Variants in SLC5A4 observed in about 807,000 individuals in gnomAD.
SLC5A4 encodes the protein solute carrier family 5 member 4.
In SLC5A4, 55 loss-of-function variants were observed where a neutral mutation model predicts 70.3. The ratio of observed to expected loss-of-function variants is 0.78; its 90% confidence interval spans 0.63 to 0.98. The LOEUF is 0.98. Ranked by LOEUF, SLC5A4 falls within the 50% of genes least tolerant of loss-of-function variation. The pLI is 0.00. For synonymous variants in SLC5A4, 268 were observed against 305.7 expected, an observed-to-expected ratio of 0.88 and a Z score of 1.29; for missense variants, 735 against 839.2, an observed-to-expected ratio of 0.88 and a Z score of 1.53.
chr22:32,354,862 CTA>C, the SLC5A4 span: 1 of 152,402 alleles, frequency 6.6e-6, no homozygotes, highest in Non-Finnish European at 1.5e-5. Context: ...TGGCTGCGCT[CTA>C]GTCTCCCTGG....
At chr22:32,349,183 C>T in the SLC5A4 span, among the ~76,000 whole-genome samples, 2 of 152,172 alleles carry the variant, frequency 1.3e-5, no homozygotes. Flanking sequence ...CCATTTTAGC[C>T]AGGATAGTCT....
At chr22:32,241,922 C>T (rs114645815) in intron 5 of SLC5A4, among the ~76,000 whole-genome samples, 221 of 151,196 alleles carry the variant, frequency 1.5e-3, no homozygotes, top group African/African-American at 5.1e-3. Context: ...CCAGGATTCT[C>T]AGTTGTGGAA....
chr22:32,344,192 CCA>C, the SLC5A4 span, among the ~76,000 whole-genome samples: 1 of 152,060 alleles, frequency 6.6e-6, no homozygotes, highest in Admixed American at 6.6e-5. Flanking sequence ...AGTGTGATAT[CCA>C]CAAAGAAATG....
At chr22:32,243,522 A>G (rs1247923207) in intron 5 of SLC5A4, among the ~76,000 whole-genome samples, 1 of 152,210 alleles carries the variant, frequency 6.6e-6, no homozygotes, top group Non-Finnish European at 1.5e-5. Context: ...GCAAGAAATT[A>G]TCCCTGCTCC....
upstream of SLC5A4, among the ~76,000 whole-genome samples, chr22:32,258,217 G>C (rs1927587450): frequency 1.3e-5 from 2 of 152,150 alleles, no homozygotes; most frequent in African/African-American, 4.8e-5. Context: ...CTGAACTCCT[G>C]ATCTCATGTC....
the SLC5A4 span, among the ~76,000 whole-genome samples, chr22:32,288,947 T>G: frequency 6.6e-6 from 1 of 152,092 alleles, no homozygotes. Flanking sequence ...TCCTTATACC[T>G]TTTTTTTCTT....
chr22:32,269,098 G>A, the SLC5A4 span, among the ~76,000 whole-genome samples: 1 of 152,050 alleles, frequency 6.6e-6, no homozygotes, highest in African/African-American at 2.4e-5. The surrounding 1 kb of genome is among the most constrained non-coding windows in gnomAD (Gnocchi z 4.1). Context: ...TTGCCATGTT[G>A]GCCATGGCGG....
the SLC5A4 span, among the ~76,000 whole-genome samples, chr22:32,333,210 A>C: frequency 7.4e-6 from 1 of 134,794 alleles, no homozygotes; most frequent in Non-Finnish European, 1.6e-5. Flanking sequence ...CCCCCCCAGA[A>C]GACTCAGACC....
chr22:32,309,102 G>A, the SLC5A4 span, among the ~76,000 whole-genome samples: 2 of 148,082 alleles, frequency 1.4e-5, no homozygotes, highest in Admixed American at 6.7e-5. Flanking sequence ...GGGTACAGGT[G>A]AGGTGGGTGA....
At chr22:32,293,327 T>C in the SLC5A4 span, among the ~76,000 whole-genome samples, 1 of 152,068 alleles carries the variant, frequency 6.6e-6, no homozygotes, top group Non-Finnish European at 1.5e-5. Context: ...AATGATGTGG[T>C]TTTTTTGGTC....
chr22:32,272,184 G>A, the SLC5A4 span: 1 of 723,910 alleles, frequency 1.4e-6, no homozygotes, highest in Non-Finnish European at 2.6e-6. Flanking sequence ...CCTCATGCAG[G>A]AGGAGGAGGA....
intron 9 of SLC5A4, among the ~76,000 whole-genome samples, chr22:32,231,899 T>C (rs1925787343): frequency 6.6e-6 from 1 of 152,096 alleles, no homozygotes; most frequent in African/African-American, 2.4e-5. Context: ...CTTTTTTTTT[T>C]TAAGAGACGG....
the SLC5A4 span, among the ~76,000 whole-genome samples, chr22:32,309,256 A>T: frequency 6.6e-6 from 1 of 152,194 alleles, no homozygotes; most frequent in Non-Finnish European, 1.5e-5. Flanking sequence ...GGAAAGCATA[A>T]AACTGCTCGT....
intron 13 of SLC5A4, among the ~76,000 whole-genome samples, chr22:32,223,145 C>G (rs1231091558): frequency 6.6e-6 from 1 of 152,176 alleles, no homozygotes; most frequent in Non-Finnish European, 1.5e-5. Context: ...TGTTTCTAAA[C>G]AGCTGCATAA....
chr22:32,333,991 GAC>G, the SLC5A4 span, among the ~76,000 whole-genome samples: 13 of 111,890 alleles, frequency 1.2e-4, 1 homozygote, highest in African/African-American at 3.2e-4. Flanking sequence ...ATGCAACACA[GAC>G]ACACTACACA....
the SLC5A4 span, among the ~76,000 whole-genome samples, chr22:32,299,229 G>A: frequency 9.8e-5 from 14 of 143,062 alleles, no homozygotes; most frequent in African/African-American, 3.7e-4. Flanking sequence ...AAGTTCTCCT[G>A]GATAATATCC....
the SLC5A4 span, among the ~76,000 whole-genome samples, chr22:32,315,495 T>A: frequency 6.6e-6 from 1 of 152,178 alleles, no homozygotes; most frequent in East Asian, 1.9e-4. Flanking sequence ...AGAAATATTC[T>A]AATTTTGATA....
the SLC5A4 span, among the ~76,000 whole-genome samples, chr22:32,325,417 C>G: frequency 6.6e-6 from 1 of 152,134 alleles, no homozygotes; most frequent in Non-Finnish European, 1.5e-5. Context: ...GGGCCCTGGA[C>G]AAGGTTTGTT....
the SLC5A4 span, among the ~76,000 whole-genome samples, chr22:32,305,918 C>T: frequency 6.6e-6 from 1 of 151,642 alleles, no homozygotes; most frequent in Admixed American, 6.6e-5. Context: ...TCTGACCTTG[C>T]CCCTGCCCCT....
Sources: gnomAD v4.1 joint callset for allele counts (sites outside exome capture counted in the v4.1 genomes callset) on GRCh38, gnomAD v4.1.1 for gene constraint, Gnocchi (gnomAD v3.1) non-coding constraint, MANE v1.5 for transcripts, NCBI Gene and HGNC (gene_info 2026-07-23, HGNC 2026-07-21) for gene names.